Variants in DNAH11 observed in about 807,000 individuals in gnomAD.
DNAH11 encodes the protein dynein axonemal heavy chain 11.
In DNAH11, 442 loss-of-function variants were observed where a neutral mutation model predicts 526.0. The observed-to-expected ratio is 0.84, with a 90% CI of 0.78 to 0.91. DNAH11 has a LOEUF of 0.91. Ranked by LOEUF, DNAH11 falls within the 40% of genes least tolerant of loss-of-function variation. The pLI is 0.00. For synonymous variants in DNAH11, 2,461 were observed against 1,935.9 expected (o/e 1.27, Z -7.12); for missense variants, 6,989 against 5,448.7 (o/e 1.28, Z -8.90).
intron 57 of DNAH11, among the ~76,000 whole-genome samples, chr7:21,783,701 C>T (rs1788052511): frequency 6.6e-6 from 1 of 150,700 alleles, no homozygotes; most frequent in Non-Finnish European, 1.5e-5. Context: ...TGACTTTCCT[C>T]TATATTATAT....
rs139547618 is a variant in DNAH11 at position 21,655,110 on chromosome 7, A to G, written c.4945-722A>G. 1.1e-4 allele frequency among the ~76,000 whole-genome samples: 16 copies of G among 149,376 alleles called. 1 individual carries two copies. The East Asian group carries it at 2.5e-3, about 24-fold the overall frequency. On this transcript the variant is annotated intron_variant, in intron 28 of 81. Transcript: ENST00000409508. ...TTGTCTGGAGCCTGCATAGAGTTCA[A>G]TGTGCTATTTACTGGTTTTGTATTG... is the stretch of plus-strand genomic sequence containing the variant.
intron 25 of DNAH11, among the ~76,000 whole-genome samples, chr7:21,626,867 C>T (rs1191831399): frequency 6.6e-6 from 1 of 150,758 alleles, no homozygotes; most frequent in Non-Finnish European, 1.5e-5. Context: ...TCTTCTGCCT[C>T]AGCCTCCCAA....
chr7:21,573,402 T>G (rs10950857), intron 8 of DNAH11, among the ~76,000 whole-genome samples: 25,587 of 152,114 alleles, frequency 0.17, 3,425 homozygotes, highest in African/African-American at 0.36. Context: ...GATTCTTGCC[T>G]TAGAATCTAG....
intron 6 of DNAH11, among the ~76,000 whole-genome samples, chr7:21,565,435 A>T (rs1783627200): frequency 6.6e-6 from 1 of 152,218 alleles, no homozygotes; most frequent in African/African-American, 2.4e-5. Context: ...TGAATTAACC[A>T]AGACTTGAAA....
At chr7:21,675,089 T>C (rs939156567) in intron 30 of DNAH11, among the ~76,000 whole-genome samples, 2 of 152,156 alleles carry the variant, frequency 1.3e-5, no homozygotes, top group South Asian at 2.1e-4. Context: ...AGTCTTACCT[T>C]CCTCCAATTC....
chr7:21,798,472 C>T (rs1788816558), intron 61 of DNAH11, among the ~76,000 whole-genome samples: 1 of 152,178 alleles, frequency 6.6e-6, no homozygotes, highest in Admixed American at 6.5e-5. Flanking sequence ...ACTGGGAAGC[C>T]TGGAAGTATT....
At chr7:21,817,844 G>T (rs994800606) in intron 64 of DNAH11, among the ~76,000 whole-genome samples, 6 of 151,208 alleles carry the variant, frequency 4.0e-5, no homozygotes, top group African/African-American at 1.5e-4. Flanking sequence ...ATAAAAGTTT[G>T]ATCAAGTTTA....
At chr7:21,754,478 A>T (rs145679139) in intron 54 of DNAH11, among the ~76,000 whole-genome samples, 5 of 151,870 alleles carry the variant, frequency 3.3e-5, no homozygotes, top group African/African-American at 7.3e-5. Context: ...ATTCATCTCT[A>T]TTGTTGTCTA....
chr7:21,588,256 C>T (rs1251550443), intron 10 of DNAH11, 55 bp downstream of exon 10: 1 of 1,554,712 alleles, frequency 6.4e-7, no homozygotes. Context: ...CGGATAATGA[C>T]CATCAACTAG....
intron 75 of DNAH11, among the ~76,000 whole-genome samples, chr7:21,881,248 T>A (rs1489796998): frequency 6.6e-6 from 1 of 152,246 alleles, no homozygotes; most frequent in Non-Finnish European, 1.5e-5. Flanking sequence ...ACAGCAATTC[T>A]GACAGTTCAT....
Position 21,592,125 on chromosome 7 carries a change from C to T in DNAH11, c.2667+548C>T, listed in dbSNP as rs574322981. ...AAATAAAAGCAAACAACACAATGCTCCCCTGCCAACCACCACCAAATCCTT... is the reference window on the plus strand; with the variant it reads ...AAATAAAAGCAAACAACACAATGCTTCCCTGCCAACCACCACCAAATCCTT... On this transcript the variant is annotated intron_variant, in intron 14 of 81. Transcript: ENST00000409508. 1.9e-4 allele frequency among the ~76,000 whole-genome samples: 29 copies of T among 152,258 alleles called. No individual in the cohort carries two copies. The South Asian group carries it at 5.8e-3, about 31-fold the overall frequency.
In DNAH11 at chr7:21,600,927, A is replaced by G; in HGVS notation, c.3252A>G (p.Glu1084=). 1 of 1,613,562 alleles carries G rather than the reference A, an allele frequency of 6.2e-7. No individual in the cohort carries two copies. The highest frequency in any genetic ancestry group is 8.5e-7 in the Non-Finnish European group (1 of 1,179,674). ...EQPPTLEQFK[E]QIDIYEALYV... ...CACCAACTCTTGAGCAATTCAAAGA[A>G]CAGGCAAGGAAAACCCTTAGCATTT... The change falls in exon 16 of 82, where the codon GAA becomes GAG. Residue 1084 remains glutamate (E), a synonymous_variant. Transcript: ENST00000409508.
intron 54 of DNAH11, among the ~76,000 whole-genome samples, chr7:21,753,987 T>C (rs987294927): frequency 6.6e-6 from 1 of 152,216 alleles, no homozygotes; most frequent in Non-Finnish European, 1.5e-5. Flanking sequence ...AGGAGAGCTG[T>C]TGATTTTTAA....
intron 43 of DNAH11, 133 bp from the exon 44 acceptor site, chr7:21,720,592 C>G (rs1277218977): frequency 1.4e-5 from 14 of 1,024,582 alleles, no homozygotes; most frequent in Non-Finnish European, 1.9e-5. Context: ...ATTTTTGTCT[C>G]TCCCAATGTA....
chr7:21,765,698 A>C, intron 55 of DNAH11, 109 bp downstream of exon 55: 2 of 1,313,304 alleles, frequency 1.5e-6, no homozygotes, highest in Non-Finnish European at 2.0e-6. Context: ...TCCACAGTAC[A>C]TCTCCTATCA....
intron 30 of DNAH11, among the ~76,000 whole-genome samples, chr7:21,671,936 G>T (rs1480221379): frequency 6.6e-6 from 1 of 152,178 alleles, no homozygotes; most frequent in Non-Finnish European, 1.5e-5. Context: ...TGCACTGGTG[G>T]TTTTAGCAGT....
chr7:21,767,679 C>G (rs943211145), intron 55 of DNAH11, among the ~76,000 whole-genome samples: 1 of 152,192 alleles, frequency 6.6e-6, no homozygotes, highest in Non-Finnish European at 1.5e-5. Context: ...AACTTTCCCA[C>G]CTTCCTAATT....
In DNAH11 at chr7:21,789,360, C is replaced by A; in HGVS notation, c.10026+18C>A. On this transcript the variant is annotated intron_variant, in intron 61 of 81. Transcript: ENST00000409508. ...AGCTTGTGGTGAGTGCAAACTATGA[C>A]ATTGAAAAGGTTCCCAAGAGGTGGT... 6.5e-7 allele frequency: 1 copy of A among 1,539,918 alleles called. No homozygotes were observed. The highest frequency in any genetic ancestry group is 8.8e-7 in the Non-Finnish European group (1 of 1,137,772).
Position 21,543,710 on chromosome 7 carries a change from C to T in DNAH11, c.351+114C>T, listed in dbSNP as rs899106558. The T allele has an allele frequency of 1.0e-5, 13 of 1,249,096 alleles. No individual in the cohort carries two copies. The East Asian group carries it at 2.8e-4, about 27-fold the overall frequency. 77.4% of individuals were successfully genotyped at this position (1,249,096 alleles called of 1,614,324 possible). ...GCGCTCACTCGGGCACTTTAACAAA[C>T]TTGGCTTGAAGTCCCCATCCTGAGG... On this transcript the variant is annotated intron_variant, in intron 1 of 81. Coordinates refer to ENST00000409508, the MANE Select transcript of DNAH11 (RefSeq NM_001277115.2).
Sources: allele counts gnomAD v4.1 joint callset (sites outside exome capture counted in the v4.1 genomes callset), GRCh38; gene constraint gnomAD v4.1.1; transcripts MANE v1.5; gene names NCBI Gene and HGNC (gene_info 2026-07-23, HGNC 2026-07-21).